TRIP13: variants seen among roughly 807,000 people sequenced by gnomAD.
The protein encoded by TRIP13 is thyroid hormone receptor interactor 13.
Under a neutral mutation model 54.4 loss-of-function variants are expected in TRIP13, and 25 were observed. That is an observed-to-expected ratio of 0.46 (90% CI 0.33 to 0.64). The LOEUF (loss-of-function observed/expected upper bound fraction) is 0.64. Among genes scored for constraint, TRIP13 ranks in the 30% least tolerant of loss-of-function variants. The pLI, the probability that TRIP13 is intolerant of heterozygous loss-of-function variation, is 0.02. For missense variants in TRIP13, 373 were observed against 534.2 expected, an observed-to-expected ratio of 0.70 and a Z score of 2.97; for synonymous variants, 207 against 207.8, an observed-to-expected ratio of 1.00 and a Z score of 0.03.
At position 917,037 on chromosome 5, in the gene TRIP13, C is replaced by G. The variant is rs141491374; in HGVS notation, c.1233C>G (p.Leu411=). 2 of 1,614,026 alleles carry G rather than the reference C, an allele frequency of 1.2e-6. No homozygotes were observed. Among genetic ancestry groups the G allele is most frequent in the Non-Finnish European group, 1.7e-6 (2 of 1,180,030 alleles). Residue 411 remains leucine (L), a synonymous_variant, in exon 13 of 13, where the codon CTC becomes CTG. Coordinates refer to ENST00000166345, the MANE Select transcript of TRIP13 (RefSeq NM_004237.4). ...CCACCGTCACCATAGAGGGGTTCCT[C>G]CAGGCCCTGTCTCTGGCAGTGGACA... ...QAPTVTIEGF[L]QALSLAVDKQ... is the part of the protein sequence containing the mutation.
rs1284025228 is a variant in TRIP13 at position 897,353 on chromosome 5, T to A, written c.388+559T>A. On this transcript the variant is annotated intron_variant, in intron 3 of 12. Transcript: ENST00000166345. ...CAAGCCCAGGGCTTCATTCATTCAG[T>A]GTGTGGGGAAACAGGTGGATTTGGA... Among the ~76,000 whole-genome samples the A allele has an allele frequency of 7.1e-5, 6 of 85,012 alleles. 1 individual carries two copies. The highest frequency in any genetic ancestry group is 5.5e-4 in the African/African-American group (6 of 10,894). The allele number at this position is 85,012 out of a possible 152,430, so 55.8% of individuals were successfully genotyped here.
chr5:911,705 G>T lies in TRIP13; in HGVS notation c.867-138G>T, dbSNP rs1384246718. 2 of 1,116,720 alleles carry T rather than the reference G, an allele frequency of 1.8e-6. No individual in the cohort carries two copies. The highest frequency in any genetic ancestry group is 2.5e-6 in the Non-Finnish European group (2 of 808,854). 69.2% of individuals were successfully genotyped at this position (1,116,720 alleles called of 1,614,324 possible). A position where few individuals can be genotyped will look rare whatever the true frequency, so the allele number is the denominator to read the frequency against. ...AGGCTGGGGGGTCTGCGTGGCCTGT[G>T]TTGGCACAAGGCCACTTTCCTTCCT... On this transcript the variant is annotated intron_variant, in intron 9 of 12. Transcript: ENST00000166345. The surrounding 1 kb of genome is among the most constrained non-coding windows in gnomAD (Gnocchi z 4.7).
In TRIP13 at chr5:913,792, C is replaced by T. The variant is rs537958006; in HGVS notation, c.1021-673C>T. 4.5e-4 allele frequency among the ~76,000 whole-genome samples: 69 copies of T among 152,328 alleles called. No individual in the cohort carries two copies. Among genetic ancestry groups the T allele is most frequent in the African/African-American group, 1.6e-3 (67 of 41,574 alleles). On this transcript the variant is annotated intron_variant, in intron 10 of 12. Transcript: ENST00000166345. The surrounding 1 kb of genome is among the most constrained non-coding windows in gnomAD (Gnocchi z 4.5). ...AACTGTCTTAATTTTGCTCACACCC[C>T]TCAACAAACCTCCAAAATGTTCAGA...
intron 12 of TRIP13, among the ~76,000 whole-genome samples, chr5:916,263 C>T (rs1452570781): frequency 6.6e-6 from 1 of 152,212 alleles, no homozygotes; most frequent in Non-Finnish European, 1.5e-5. Flanking sequence ...CCTCGCTGGC[C>T]TCACCAGAGG....
chr5:894,523 C>A (rs1216933104), intron 1 of TRIP13, among the ~76,000 whole-genome samples: 1 of 152,160 alleles, frequency 6.6e-6, no homozygotes, highest in Non-Finnish European at 1.5e-5. Context: ...TTAATGACTT[C>A]ACAGTAGCCC....
At chr5:893,388 G>C (rs1456443753) in intron 1 of TRIP13, among the ~76,000 whole-genome samples, 1 of 152,140 alleles carries the variant, frequency 6.6e-6, no homozygotes, top group Non-Finnish European at 1.5e-5. Flanking sequence ...CCCTGCCCCT[G>C]CCCCGGCTGT....
At chr5:905,344 A>G (rs1754091464) in intron 6 of TRIP13, among the ~76,000 whole-genome samples, 2 of 152,044 alleles carry the variant, frequency 1.3e-5, no homozygotes, top group Admixed American at 1.3e-4. Context: ...AGCTGCAGGG[A>G]ATGTCCCCTG....
At chr5:900,148 C>G (rs559665642) in intron 3 of TRIP13, among the ~76,000 whole-genome samples, 1 of 152,242 alleles carries the variant, frequency 6.6e-6, no homozygotes, top group East Asian at 1.9e-4. Flanking sequence ...TGTTATACGT[C>G]AATGGAAAAT....
rs376089662 is a variant in TRIP13, at chr5:907,981, G to A, written c.673-7G>A. 5.9e-4 allele frequency: 950 copies of A among 1,614,210 alleles called. 2 individuals are homozygous for A. Among genetic ancestry groups the A allele is most frequent in the Admixed American group, 8.5e-4 (51 of 60,032 alleles). ...ACGTTGACACTAAAAGGGTGTTTGG[G>A]TTCCAGAGTGGCAAGCTGGTAACCA... On this transcript the variant is annotated splice_region_variant and splice_polypyrimidine_tract_variant and intron_variant, in intron 7 of 12. Transcript: ENST00000166345. This position sits in a 1 kb window ranked among gnomAD's most constrained non-coding sequence, Gnocchi z 4.1.
At chr5:909,592 GACAC>G (rs533804271) in intron 9 of TRIP13, among the ~76,000 whole-genome samples, 61 of 152,094 alleles carry the variant, frequency 4.0e-4, no homozygotes, top group African/African-American at 1.4e-3. Flanking sequence ...AGGAATTAAA[GACAC>G]ACACACACAC....
intron 12 of TRIP13, among the ~76,000 whole-genome samples, chr5:916,245 G>T (rs965719012): frequency 2.6e-5 from 4 of 152,190 alleles, no homozygotes; most frequent in African/African-American, 9.7e-5. Context: ...TGAGCTCGTG[G>T]CCAGGGCCCT....
In TRIP13 at chr5:913,819, A is replaced by T. The variant is rs1288989685; in HGVS notation, c.1021-646A>T. Among the ~76,000 whole-genome samples the T allele has an allele frequency of 3.3e-5, 5 of 152,194 alleles. No individual in the cohort carries two copies. The highest frequency in any genetic ancestry group is 7.4e-5 in the Non-Finnish European group (5 of 68,024). On this transcript the variant is annotated intron_variant, in intron 10 of 12. Coordinates refer to ENST00000166345, the MANE Select transcript of TRIP13 (RefSeq NM_004237.4). The surrounding 1 kb of genome is among the most constrained non-coding windows in gnomAD (Gnocchi z 4.5). ...CAACAAACCTCCAAAATGTTCAGACAATGCTATTTTCTTCCTTCTCCTTGT... is the reference window on the plus strand; with the variant it reads ...CAACAAACCTCCAAAATGTTCAGACTATGCTATTTTCTTCCTTCTCCTTGT...
chr5:916,617 G>A (rs79458782), intron 12 of TRIP13, among the ~76,000 whole-genome samples: 2,518 of 152,300 alleles, frequency 0.017, 73 homozygotes, highest in African/African-American at 0.056. Flanking sequence ...CAGGGGAGGT[G>A]ACAGCTCTGG....
chr5:897,020 C>T (rs923299822), intron 3 of TRIP13, among the ~76,000 whole-genome samples: 8 of 152,214 alleles, frequency 5.3e-5, no homozygotes, highest in African/African-American at 1.4e-4. Context: ...TCCTGGCTAA[C>T]GGAGAGTGCC....
At position 913,892 on chromosome 5, in the gene TRIP13, T is replaced by C. The variant is rs1446782270; in HGVS notation, c.1021-573T>C. On this transcript the variant is annotated intron_variant, in intron 10 of 12. Coordinates refer to ENST00000166345, the MANE Select transcript of TRIP13 (RefSeq NM_004237.4). This position sits in a 1 kb window ranked among gnomAD's most constrained non-coding sequence, Gnocchi z 4.5. The stretch of plus-strand genomic sequence containing the variant: ...TTAGAATTCAGTCATAGTAAGTCAG[T>C]GTGCGCACCTGACTGTTGGCAAGGC... Among the ~76,000 whole-genome samples the C allele has an allele frequency of 6.6e-6, 1 of 152,198 alleles. No homozygotes were observed. Among genetic ancestry groups the C allele is most frequent in the Non-Finnish European group, 1.5e-5 (1 of 68,030 alleles).
chr5:916,035 AT>A, intron 12 of TRIP13, 62 bp downstream of exon 12: 2 of 1,531,842 alleles, frequency 1.3e-6, no homozygotes, highest in South Asian at 2.2e-5. Flanking sequence ...CTCGCCGGAG[AT>A]TCCGCTTAGT....
chr5:896,623 A>C, intron 2 of TRIP13, 42 bp from the exon 3 acceptor site: 1 of 1,583,334 alleles, frequency 6.3e-7, no homozygotes, highest in South Asian at 1.1e-5. Context: ...GTTAAGTGAG[A>C]GTTGGAAATG....
chr5:900,372 A>G (rs538890131), intron 3 of TRIP13, 122 bp from the exon 4 acceptor site: 2 of 939,156 alleles, frequency 2.1e-6, no homozygotes, highest in African/African-American at 1.7e-5. Flanking sequence ...TGTAATCAGA[A>G]TCATAGTCTT....
At chr5:916,222 C>T (rs1417609572) in intron 12 of TRIP13, among the ~76,000 whole-genome samples, 1 of 152,234 alleles carries the variant, frequency 6.6e-6, no homozygotes, top group Non-Finnish European at 1.5e-5. Flanking sequence ...GCACGTCTGC[C>T]TCTGTGGTGT....
Sources: gnomAD v4.1 joint callset for allele counts (sites outside exome capture counted in the v4.1 genomes callset) on GRCh38, gnomAD v4.1.1 for gene constraint, Gnocchi (gnomAD v3.1) non-coding constraint, MANE v1.5 for transcripts, NCBI Gene and HGNC (gene_info 2026-07-23, HGNC 2026-07-21) for gene names.